Variants in EVC observed in about 807,000 individuals in gnomAD.
EVC encodes the protein EvC ciliary complex subunit 1, also known as evC complex member EVC.
Under a neutral mutation model 118.9 loss-of-function variants are expected in EVC, and 116 were observed. The observed-to-expected ratio is 0.98, with a 90% confidence interval of 0.84 to 1.14. EVC has a LOEUF of 1.14. Among genes scored for constraint, EVC ranks in the 50% most tolerant of loss-of-function variants. The probability of loss-of-function intolerance (pLI) is 0.00; values close to 1 mark genes in which losing one functional copy is unlikely to be tolerated. For missense variants in EVC, 1,401 were observed against 1,246.4 expected, an observed-to-expected ratio of 1.12 and a Z score of -1.87; for synonymous variants, 619 against 534.7, an observed-to-expected ratio of 1.16 and a Z score of -2.18.
intron 7 of EVC, among the ~76,000 whole-genome samples, chr4:5,745,766 A>G (rs1484747191): frequency 2.0e-5 from 3 of 152,164 alleles, no homozygotes; most frequent in Non-Finnish European, 4.4e-5. Flanking sequence ...CCCTGTTCAT[A>G]TATTATGTAT....
intron 11 of EVC, among the ~76,000 whole-genome samples, chr4:5,777,980 C>A: frequency 7.3e-6 from 1 of 136,952 alleles, no homozygotes; most frequent in Non-Finnish European, 1.6e-5. Flanking sequence ...CAGTGCTATC[C>A]CTCCCCCCTC....
chr4:5,802,485 A>T (rs575487571), intron 16 of EVC, among the ~76,000 whole-genome samples: 2 of 152,320 alleles, frequency 1.3e-5, no homozygotes, highest in Non-Finnish European at 2.9e-5. Flanking sequence ...CAAGTGCATT[A>T]TATCTATTGT....
At position 5,802,071 on chromosome 4, in the gene EVC, T is replaced by C; in HGVS notation, c.2426T>C (p.Leu809Pro). The C allele has an allele frequency of 6.2e-7, 1 of 1,613,672 alleles. No individual in the cohort carries two copies. The change falls in exon 16 of 21, where the codon CTG becomes CCG. Residue 809 changes from leucine to proline, a missense_variant. Transcript: ENST00000264956. ...ATGGAGGACCACGAGGAGAGAAAAC[T>C]GCAGCACCTGAAGACCCTGCAGGGT... The part of the protein sequence containing the change: ...RIMEDHEERK[L>P]QHLKTLQGER...
chr4:5,742,165 T>C lies in EVC; in HGVS notation c.801+351T>C, dbSNP rs1341830737. On this transcript the variant is annotated intron_variant, in intron 6 of 20. Transcript: ENST00000264956. This position sits in a 1 kb window ranked among gnomAD's most constrained non-coding sequence, Gnocchi z 5.2. ...TTTGTATTCTATTCTCAGTCTTTTA[T>C]GGAAAGTTTATTTTGTCTCAGGCGC... Among the ~76,000 whole-genome samples, 1 of 152,184 alleles carries C rather than the reference T, an allele frequency of 6.6e-6. No homozygotes were observed. The highest frequency in any genetic ancestry group is 2.4e-5 in the African/African-American group (1 of 41,466).
chr4:5,745,808 AC>A (rs1332812416), intron 7 of EVC, among the ~76,000 whole-genome samples: 4 of 152,162 alleles, frequency 2.6e-5, no homozygotes, highest in Admixed American at 2.0e-4. Context: ...CTTGCTCTTC[AC>A]CAGGGATTGT....
chr4:5,791,487 C>T (rs1349921473), intron 12 of EVC, among the ~76,000 whole-genome samples: 1 of 152,024 alleles, frequency 6.6e-6, no homozygotes, highest in Non-Finnish European at 1.5e-5. Context: ...CAGCGCAGAA[C>T]CAAAATAATG....
Position 5,759,250 on chromosome 4 carries a change from A to G in EVC, c.1563+2888A>G, listed in dbSNP as rs575955994. On this transcript the variant is annotated intron_variant, in intron 11 of 20. Coordinates refer to ENST00000264956, the MANE Select transcript of EVC (RefSeq NM_153717.3). ...AAAGTGCACCTGCCGACTGCAGGAG[A>G]CGTTGCCTACTGCAGATAACTGCTT... 4.6e-5 allele frequency among the ~76,000 whole-genome samples: 6 copies of G among 130,572 alleles called. 1 individual carries two copies. The highest frequency in any genetic ancestry group is 5.9e-4 in the South Asian group (2 of 3,418). 85.7% of individuals were successfully genotyped at this position (130,572 alleles called of 152,430 possible).
intron 11 of EVC, among the ~76,000 whole-genome samples, chr4:5,769,813 C>T (rs1217416162): frequency 2.6e-5 from 4 of 152,172 alleles, no homozygotes; most frequent in African/African-American, 9.7e-5. Flanking sequence ...AAAGAGAAAA[C>T]ACTGGACTCT....
chr4:5,794,456 G>A (rs1713561347), intron 13 of EVC, among the ~76,000 whole-genome samples: 1 of 148,594 alleles, frequency 6.7e-6, no homozygotes, highest in Admixed American at 6.8e-5. Flanking sequence ...GCCCAGGCTA[G>A]TGTCCAGTGG....
intron 5 of EVC, among the ~76,000 whole-genome samples, chr4:5,739,993 C>A (rs1283858586): frequency 6.6e-6 from 1 of 151,346 alleles, no homozygotes; most frequent in African/African-American, 2.4e-5. Flanking sequence ...TGACCTTTGA[C>A]AAAGAGGCAA....
the EVC span, chr4:5,825,973 A>C: frequency 2.6e-6 from 1 of 386,238 alleles, no homozygotes; most frequent in Non-Finnish European, 4.7e-6. This position sits in a 1 kb window ranked among gnomAD's most constrained non-coding sequence, Gnocchi z 4.4. Flanking sequence ...TGCAGTAACA[A>C]AACAGGCCTA....
Position 5,741,743 on chromosome 4 carries a change from C to T in EVC, c.730C>T (p.Leu244Phe), listed in dbSNP as rs1560315527. Residue 244 changes from leucine (L) to phenylalanine (F), a missense_variant, in exon 6 of 21, where the codon CTC becomes TTC. By Grantham distance (22) the Leu-to-Phe change is conservative (BLOSUM62 0). Transcript: ENST00000264956. ...MMFIQIFKMC[L>F]LDLLPKKKSD... The stretch of plus-strand genomic sequence containing the variant: ...GTTTATTCAGATTTTTAAAATGTGC[C>T]TCCTTGACCTTCTTCCTAAAAAGAA... 2 of 1,572,940 alleles carry T rather than the reference C, an allele frequency of 1.3e-6. No homozygotes were observed. The highest frequency in any genetic ancestry group is 1.7e-6 in the Non-Finnish European group (2 of 1,144,016).
chr4:5,756,119 C>T lies in EVC; in HGVS notation c.1465-145C>T. ...AGCTGTGAAAGCCATGTGACAGCCC[C>T]ATGCCTCAGTTTCCTTGTGTGTAAT... is the stretch of plus-strand genomic sequence containing the variant. On this transcript the variant is annotated intron_variant, in intron 10 of 20. Coordinates refer to ENST00000264956, the MANE Select transcript of EVC (RefSeq NM_153717.3). The surrounding 1 kb of genome is among the most constrained non-coding windows in gnomAD (Gnocchi z 4.2). The T allele has an allele frequency of 2.9e-6, 2 of 687,574 alleles. No homozygotes were observed. Among genetic ancestry groups the T allele is most frequent in the Admixed American group, 2.3e-5 (1 of 44,266 alleles). 42.6% of individuals were successfully genotyped at this position (687,574 alleles called of 1,614,324 possible). A position where few individuals can be genotyped will look rare whatever the true frequency, so the allele number is the denominator to read the frequency against.
intron 11 of EVC, among the ~76,000 whole-genome samples, chr4:5,781,793 G>C (rs990371946): frequency 1.3e-5 from 2 of 152,152 alleles, no homozygotes; most frequent in Admixed American, 1.3e-4. Context: ...TCACGCCCCT[G>C]AACTCCAGCC....
At chr4:5,732,866 C>T (rs929504336) in intron 4 of EVC, among the ~76,000 whole-genome samples, 1 of 151,974 alleles carries the variant, frequency 6.6e-6, no homozygotes, top group Non-Finnish European at 1.5e-5. Flanking sequence ...CAAAATCAAC[C>T]GGGTATGGTG....
At chr4:5,724,600 C>T (rs550866629) in intron 2 of EVC, among the ~76,000 whole-genome samples, 2 of 152,200 alleles carry the variant, frequency 1.3e-5, no homozygotes, top group Non-Finnish European at 2.9e-5. Flanking sequence ...CTTCACCTCT[C>T]TGTGACTCAT....
chr4:5,760,080 A>G (rs564605952), intron 11 of EVC, among the ~76,000 whole-genome samples: 2 of 152,082 alleles, frequency 1.3e-5, no homozygotes, highest in African/African-American at 4.8e-5. Flanking sequence ...AAAGGAGGCA[A>G]TCAGATCTGC....
intron 12 of EVC, among the ~76,000 whole-genome samples, chr4:5,792,420 A>G (rs1712964351): frequency 6.6e-6 from 1 of 152,254 alleles, no homozygotes; most frequent in South Asian, 2.1e-4. Flanking sequence ...GAGTCATTGC[A>G]TAGTGTAAGA....
intron 5 of EVC, among the ~76,000 whole-genome samples, chr4:5,739,796 T>C (rs1050494084): frequency 6.6e-6 from 1 of 151,426 alleles, no homozygotes; most frequent in Non-Finnish European, 1.5e-5. Context: ...CGGGATGCAG[T>C]GACTCATGCC....
Sources: gnomAD v4.1 joint callset for allele counts (sites outside exome capture counted in the v4.1 genomes callset) on GRCh38, gnomAD v4.1.1 for gene constraint, Gnocchi (gnomAD v3.1) non-coding constraint, MANE v1.5 for transcripts, NCBI Gene and HGNC (gene_info 2026-07-23, HGNC 2026-07-21) for gene names.